Variants in ZBBX observed in about 807,000 individuals in gnomAD.
The protein encoded by ZBBX is zinc finger B-box domain-containing protein 1.
In ZBBX, 101 loss-of-function variants were observed where a neutral mutation model predicts 108.5. That is an observed-to-expected ratio of 0.93 (90% CI 0.79 to 1.10). ZBBX has a LOEUF of 1.10. ZBBX is among the 50% of genes least tolerant of loss of function. The pLI is 0.00. For synonymous variants in ZBBX, 356 were observed against 323.4 expected (o/e 1.10, Z -1.08); for missense variants, 1,009 against 941.4 (o/e 1.07, Z -0.94).
At chr3:167,228,196 A>C in the ZBBX span, among the ~76,000 whole-genome samples, 2 of 151,850 alleles carry the variant, frequency 1.3e-5, no homozygotes, top group African/African-American at 4.8e-5. Context: ...GTCACTTCAT[A>C]TATTAAAGTG....
intron 11 of ZBBX, among the ~76,000 whole-genome samples, chr3:167,326,686 A>G (rs2108353231): frequency 6.6e-6 from 1 of 152,254 alleles, no homozygotes; most frequent in South Asian, 2.1e-4. Flanking sequence ...ATGAGAAATG[A>G]GGTGTATACT....
At chr3:167,382,885 C>T (rs996436448), upstream of ZBBX, among the ~76,000 whole-genome samples, 1 of 151,962 alleles carries the variant, frequency 6.6e-6, no homozygotes, top group Non-Finnish European at 1.5e-5. Context: ...AAAATAATTT[C>T]AAAGCTAATG....
At chr3:167,186,021 A>G in the ZBBX span, among the ~76,000 whole-genome samples, 2 of 152,046 alleles carry the variant, frequency 1.3e-5, no homozygotes, top group African/African-American at 2.4e-5. Flanking sequence ...GGAGATAAAT[A>G]CTTTATTTTC....
intron 20 of ZBBX, among the ~76,000 whole-genome samples, chr3:167,272,121 T>C (rs1452153067): frequency 1.3e-5 from 2 of 152,224 alleles, no homozygotes; most frequent in Admixed American, 1.3e-4. Context: ...TCAGTTACCA[T>C]GGACCAAATG....
Position 167,356,193 on chromosome 3 carries a change from C to T in ZBBX, c.432+3677G>A, listed in dbSNP as rs894102714. On this transcript the variant is annotated intron_variant, in intron 8 of 21. Coordinates refer to ENST00000675490, the MANE Select transcript of ZBBX (RefSeq NM_001199201.2). The stretch of plus-strand genomic sequence containing the variant: ...CTGTAAGTGCCTTTTAGCTTTCACA[C>T]TTTTAACTTAGGAAATATTAGCATT... Among the ~76,000 whole-genome samples the T allele has an allele frequency of 5.9e-5, 9 of 152,078 alleles. No individual in the cohort carries two copies. In the East Asian group the frequency reaches 1.7e-3, roughly 29 times the overall value.
chr3:167,199,648 C>G, the ZBBX span, among the ~76,000 whole-genome samples: 1 of 152,238 alleles, frequency 6.6e-6, no homozygotes, highest in Admixed American at 6.5e-5. Flanking sequence ...TCTCAAAAAG[C>G]TATCTCCTCC....
chr3:167,234,701 G>A, the ZBBX span, among the ~76,000 whole-genome samples: 1 of 151,742 alleles, frequency 6.6e-6, no homozygotes, highest in Admixed American at 6.6e-5. Flanking sequence ...GATAACAGTA[G>A]AGACTGTGAC....
chr3:167,183,162 C>A, the ZBBX span, among the ~76,000 whole-genome samples: 1 of 152,184 alleles, frequency 6.6e-6, no homozygotes, highest in African/African-American at 2.4e-5. Flanking sequence ...AGCTGGCAAA[C>A]AAACCTGCTC....
chr3:167,370,624 C>T (rs968324769), intron 4 of ZBBX, among the ~76,000 whole-genome samples: 12 of 152,098 alleles, frequency 7.9e-5, no homozygotes, highest in Non-Finnish European at 1.5e-4. Flanking sequence ...ACTGACCAAG[C>T]GGTCAAGTTT....
chr3:167,389,334 C>G (rs759278842), intron 1 of ZBBX, among the ~76,000 whole-genome samples: 1 of 152,010 alleles, frequency 6.6e-6, no homozygotes, highest in African/African-American at 2.4e-5. Flanking sequence ...CTGCATAGTA[C>G]TCCATGGTGT....
chr3:167,319,312 A>T (rs529271690), intron 12 of ZBBX, among the ~76,000 whole-genome samples: 1 of 152,142 alleles, frequency 6.6e-6, no homozygotes, highest in African/African-American at 2.4e-5. Flanking sequence ...GACCTCCAAA[A>T]AAAGGCACAT....
the ZBBX span, among the ~76,000 whole-genome samples, chr3:167,234,193 A>G: frequency 6.6e-5 from 10 of 151,982 alleles, no homozygotes; most frequent in East Asian, 1.8e-3. Context: ...TCCTGGCTCT[A>G]CTGTACTAAT....
At chr3:167,283,603 A>G (rs1729193363) in intron 19 of ZBBX, among the ~76,000 whole-genome samples, 1 of 152,174 alleles carries the variant, frequency 6.6e-6, no homozygotes, top group South Asian at 2.1e-4. Flanking sequence ...ACAGGCGGTA[A>G]TCATGTATTA....
At chr3:167,383,345 A>G (rs1577141192), upstream of ZBBX, among the ~76,000 whole-genome samples, 3 of 152,206 alleles carry the variant, frequency 2.0e-5, no homozygotes, top group East Asian at 5.8e-4. Flanking sequence ...GGTAAATGCT[A>G]AATATAACAT....
chr3:167,217,891 ATT>A, the ZBBX span, among the ~76,000 whole-genome samples: 279 of 141,794 alleles, frequency 2.0e-3, 3 homozygotes, highest in East Asian at 0.017. Flanking sequence ...TGTTCTCACT[ATT>A]TTTTTTTTTT....
At chr3:167,327,785 G>A (rs764037077) in intron 11 of ZBBX, among the ~76,000 whole-genome samples, 157 bp downstream of exon 11, 56 of 151,824 alleles carry the variant, frequency 3.7e-4, no homozygotes, top group Non-Finnish European at 6.2e-4. Flanking sequence ...ATGGTGGCAC[G>A]CACTTGTAAT....
rs188625831 is a variant in ZBBX, at chr3:167,315,543, C to T, written c.1274+207G>A. Among the ~76,000 whole-genome samples the T allele has an allele frequency of 1.2e-4, 19 of 152,232 alleles. No homozygotes were observed. In the East Asian group the frequency reaches 3.3e-3, roughly 26 times the overall value. On this transcript the variant is annotated intron_variant, in intron 15 of 21. Transcript: ENST00000675490. The stretch of plus-strand genomic sequence containing the variant: ...ATTAGGTAAGAGTACAAACCTATCA[C>T]TATAGACAGTTTTCTAATTGCTGAA...
At chr3:167,191,747 A>T in the ZBBX span, among the ~76,000 whole-genome samples, 3 of 151,670 alleles carry the variant, frequency 2.0e-5, no homozygotes, top group East Asian at 5.9e-4. Flanking sequence ...ACTAATACAG[A>T]AGTATTAGTA....
intron 8 of ZBBX, 27 bp downstream of exon 8, chr3:167,359,843 T>G (rs1272173468): frequency 3.5e-6 from 4 of 1,150,002 alleles, no homozygotes; most frequent in Non-Finnish European, 3.7e-6. Flanking sequence ...ATACAGTATA[T>G]GTATATATAC....
Sources: gnomAD v4.1 joint callset for allele counts (sites outside exome capture counted in the v4.1 genomes callset) on GRCh38, gnomAD v4.1.1 for gene constraint, MANE v1.5 for transcripts, NCBI Gene and HGNC (gene_info 2026-07-23, HGNC 2026-07-21) for gene names.